Variants in GSG1L observed in about 807,000 individuals in gnomAD.
GSG1L encodes the protein germ cell-specific gene 1-like protein.
In GSG1L, 24 loss-of-function variants were observed where a neutral mutation model predicts 42.1. The observed-to-expected ratio is 0.57, with a 90% CI of 0.41 to 0.80. GSG1L has a LOEUF of 0.80. Among genes scored for constraint, GSG1L ranks in the 30% least tolerant of loss-of-function variants. The pLI is 0.00. For missense variants in GSG1L, 445 were observed against 472.2 expected (o/e 0.94, Z 0.53); for synonymous variants, 215 against 203.5 (o/e 1.06, Z -0.48).
chr16:28,019,181 G>GAGCACAAGATATC (rs2085811392), intron 1 of GSG1L, among the ~76,000 whole-genome samples: 1 of 152,166 alleles, frequency 6.6e-6, no homozygotes, highest in Non-Finnish European at 1.5e-5. Flanking sequence ...GATGAGATGG[G>GAGCACAAGATATC]AGCACAAGAT....
At chr16:27,854,885 G>A (rs555800965) in intron 3 of GSG1L, among the ~76,000 whole-genome samples, 6 of 152,172 alleles carry the variant, frequency 3.9e-5, no homozygotes, top group East Asian at 3.9e-4. Flanking sequence ...CCAGGAGAGC[G>A]GGGAAAGCCA....
intron 2 of GSG1L, among the ~76,000 whole-genome samples, chr16:27,961,016 C>G (rs1377589099): frequency 6.6e-6 from 1 of 152,140 alleles, no homozygotes; most frequent in Non-Finnish European, 1.5e-5. Flanking sequence ...CACCCACCTG[C>G]CACTGTACAC....
chr16:27,837,838 G>A (rs936741521), intron 4 of GSG1L, among the ~76,000 whole-genome samples: 6 of 150,108 alleles, frequency 4.0e-5, no homozygotes, highest in African/African-American at 7.3e-5. Context: ...TAGAGAAAGC[G>A]GACTTTAGTT....
chr16:27,918,667 G>GA (rs11314607), intron 2 of GSG1L, among the ~76,000 whole-genome samples: 2,186 of 141,666 alleles, frequency 0.015, 51 homozygotes, highest in African/African-American at 0.054. Context: ...TCAAAAAAAA[G>GA]AAAAAAAAAA....
chr16:27,935,769 A>T (rs553479903), intron 2 of GSG1L, among the ~76,000 whole-genome samples: 1 of 151,028 alleles, frequency 6.6e-6, no homozygotes, highest in East Asian at 2.0e-4. Flanking sequence ...CCTGGTCCTC[A>T]GTGTGCCAGC....
chr16:27,923,613 G>A (rs1318460437), intron 2 of GSG1L, among the ~76,000 whole-genome samples: 2 of 151,982 alleles, frequency 1.3e-5, no homozygotes, highest in Non-Finnish European at 2.9e-5. Flanking sequence ...ATGGTGGCGG[G>A]TGCCTGTGGT....
intron 2 of GSG1L, among the ~76,000 whole-genome samples, chr16:27,942,215 T>A (rs1336908664): frequency 6.7e-6 from 1 of 149,184 alleles, no homozygotes; most frequent in Admixed American, 6.8e-5. Context: ...AGTGGCACAA[T>A]CTCGGCTCAC....
In GSG1L at chr16:27,850,023, C is replaced by CTTTTTTTTTTTTTTT. The variant is rs57543425; in HGVS notation, c.551-4977_551-4963dup. ...TTTGTGCCATATTCATTTGAAATGC[C>CTTTTTTTTTTTTTTT]TTTTTTTTTTTTTTTTTTTTTTGAG... On this transcript the variant is annotated intron_variant, in intron 3 of 6. Transcript: ENST00000447459. 1.9e-4 allele frequency among the ~76,000 whole-genome samples: 13 copies of CTTTTTTTTTTTTTTT among 70,074 alleles called. 1 individual carries two copies. The highest frequency in any genetic ancestry group is 6.8e-4 in the Admixed American group (3 of 4,390). 46.0% of individuals were successfully genotyped at this position (70,074 alleles called of 152,430 possible).
At chr16:27,817,087 G>C (rs1000771677) in intron 5 of GSG1L, among the ~76,000 whole-genome samples, 5 of 152,336 alleles carry the variant, frequency 3.3e-5, no homozygotes, top group South Asian at 4.1e-4. Context: ...GGGAGACTCT[G>C]AGGACACTGA....
intron 1 of GSG1L, among the ~76,000 whole-genome samples, chr16:27,993,974 C>T (rs980350901): frequency 1.3e-5 from 2 of 152,330 alleles, no homozygotes; most frequent in Non-Finnish European, 2.9e-5. Context: ...TCATCCATTT[C>T]TTATAAAAGG....
rs980246652 is a variant in GSG1L, at chr16:27,789,715, G to GATGT, written c.*1654_*1655insACAT. ...TGATGGATGGATGGATGGATGGATG[G>GATGT]ATGATGGATGGATGGATGATGGATA... On this transcript the variant is annotated 3_prime_UTR_variant, in exon 7 of 7. Transcript: ENST00000447459. 1 of 136,822 alleles carries GATGT rather than the reference G, an allele frequency of 7.3e-6. No homozygotes were observed. The highest frequency in any genetic ancestry group is 1.7e-5 in the Non-Finnish European group (1 of 60,570). The allele number at this position is 136,822 out of a possible 1,614,324, so 8.5% of individuals were successfully genotyped here.
At chr16:27,841,664 C>T (rs2083382959) in intron 4 of GSG1L, among the ~76,000 whole-genome samples, 1 of 152,326 alleles carries the variant, frequency 6.6e-6, no homozygotes, top group African/African-American at 2.4e-5. Flanking sequence ...CGGGGCTGAT[C>T]CATCTTGCAG....
chr16:27,799,116 G>A (rs2082852805), intron 6 of GSG1L, among the ~76,000 whole-genome samples: 1 of 152,022 alleles, frequency 6.6e-6, no homozygotes, highest in Non-Finnish European at 1.5e-5. Context: ...CATAAACAAG[G>A]GAGCAGGCCG....
intron 2 of GSG1L, among the ~76,000 whole-genome samples, chr16:27,889,206 T>C (rs187861772): frequency 6.6e-6 from 1 of 152,112 alleles, no homozygotes; most frequent in Non-Finnish European, 1.5e-5. Flanking sequence ...CTCAGGCTGG[T>C]CTCGAACTCT....
intron 2 of GSG1L, among the ~76,000 whole-genome samples, chr16:27,943,566 C>CTTTTTTTTTTTTTTTT (rs11385465): frequency 4.1e-4 from 28 of 67,724 alleles, no homozygotes; most frequent in South Asian, 6.3e-4. Context: ...TTCTTTGTTT[C>CTTTTTTTTTTTTTTTT]TTTTTTTTTT....
intron 1 of GSG1L, among the ~76,000 whole-genome samples, chr16:27,978,219 T>C (rs1246994601): frequency 6.6e-6 from 1 of 152,208 alleles, no homozygotes; most frequent in African/African-American, 2.4e-5. Flanking sequence ...CACTCAGGCC[T>C]GATTCCAGGA....
intron 2 of GSG1L, among the ~76,000 whole-genome samples, chr16:27,949,929 CA>C (rs1300394878): frequency 2.0e-5 from 3 of 151,844 alleles, no homozygotes; most frequent in African/African-American, 7.3e-5. Flanking sequence ...CGTCTCAAAA[CA>C]AACAAACAAA....
intron 2 of GSG1L, among the ~76,000 whole-genome samples, chr16:27,943,515 C>G (rs757806810): frequency 5.4e-5 from 8 of 148,624 alleles, no homozygotes; most frequent in Admixed American, 1.4e-4. Flanking sequence ...AATCTATATA[C>G]TTGGTAAAAC....
intron 2 of GSG1L, among the ~76,000 whole-genome samples, chr16:27,947,599 A>AAGAAAGAAAGGG (rs1401836017): frequency 1.6e-4 from 14 of 85,994 alleles, no homozygotes; most frequent in African/African-American, 5.6e-4. Context: ...GAAAGAAAGA[A>AAGAAAGAAAGGG]AAAGAAAGAA....
Sources: allele counts gnomAD v4.1 joint callset (sites outside exome capture counted in the v4.1 genomes callset), GRCh38; gene constraint gnomAD v4.1.1; transcripts MANE v1.5; gene names NCBI Gene and HGNC (gene_info 2026-07-23, HGNC 2026-07-21).